Variants in POLR1D observed in about 807,000 individuals in gnomAD.
POLR1D encodes DNA-directed RNA polymerases I and III subunit RPAC2.
A neutral mutation model predicts 10.8 loss-of-function variants in POLR1D; 8 were observed. The ratio of observed to expected loss-of-function variants is 0.74; its 90% CI spans 0.43 to 1.33. The LOEUF (loss-of-function observed/expected upper bound fraction) is 1.33, where lower values mean the gene tolerates loss of function less well. Ranked by LOEUF, POLR1D falls within the 40% of genes most tolerant of loss-of-function variation. The pLI is 0.01. For synonymous variants in POLR1D, 54 were observed against 57.2 expected (o/e 0.94, Z 0.25); for missense variants, 152 against 161.7 (o/e 0.94, Z 0.32).
chr13:27,666,516 C>T (rs1956420593), exon 3 of POLR1D: 1 of 152,294 alleles, frequency 6.6e-6, no homozygotes, highest in East Asian at 1.9e-4. Flanking sequence ...TAATGCTCCA[C>T]TTCAGTTACC....
intron 1 of POLR1D, among the ~76,000 whole-genome samples, chr13:27,647,115 C>T (rs1237251358): frequency 6.6e-6 from 1 of 151,878 alleles, no homozygotes; most frequent in Non-Finnish European, 1.5e-5. Flanking sequence ...TTTATTTTTT[C>T]TTAACTTTGT....
intron 1 of POLR1D, among the ~76,000 whole-genome samples, chr13:27,636,567 A>G (rs933825218): frequency 1.3e-5 from 2 of 152,236 alleles, no homozygotes; most frequent in Admixed American, 1.3e-4. Context: ...TCTATCAAGC[A>G]AACGCTAAGA....
intron 1 of POLR1D, among the ~76,000 whole-genome samples, chr13:27,632,268 ACT>A (rs1956081424): frequency 6.6e-6 from 1 of 152,134 alleles, no homozygotes; most frequent in Non-Finnish European, 1.5e-5. Context: ...TCCCCACAGA[ACT>A]CTAGGAGGGA....
chr13:27,639,674 G>C (rs1441806315), intron 1 of POLR1D, among the ~76,000 whole-genome samples: 1 of 152,200 alleles, frequency 6.6e-6, no homozygotes, highest in African/African-American at 2.4e-5. Context: ...TTCCCTGGGA[G>C]CTAAACGTTA....
intron 1 of POLR1D, among the ~76,000 whole-genome samples, chr13:27,640,980 C>T (rs1170008109): frequency 6.6e-6 from 1 of 151,978 alleles, no homozygotes; most frequent in Non-Finnish European, 1.5e-5. Context: ...TTACCTAGTA[C>T]AATGTAAATT....
chr13:27,625,874 A>T (rs1437173417), downstream of POLR1D, among the ~76,000 whole-genome samples: 2 of 152,220 alleles, frequency 1.3e-5, no homozygotes, highest in East Asian at 3.8e-4. Context: ...CGTGGAGGTC[A>T]CTAGGCAGTA....
At chr13:27,665,887 C>T in exon 3 of POLR1D, 1 of 1,614,132 alleles carries the variant, frequency 6.2e-7, no homozygotes. Flanking sequence ...GAGGTTCCGC[C>T]AGTTACTCCC....
At chr13:27,624,559 A>G (rs1209303214), downstream of POLR1D, among the ~76,000 whole-genome samples, 2 of 152,116 alleles carry the variant, frequency 1.3e-5, no homozygotes, top group Non-Finnish European at 2.9e-5. Context: ...AGTGGATGAG[A>G]CAGAGTAAGT....
intron 1 of POLR1D, among the ~76,000 whole-genome samples, chr13:27,640,002 G>A (rs1956160202): frequency 6.6e-6 from 1 of 152,226 alleles, no homozygotes; most frequent in East Asian, 1.9e-4. Flanking sequence ...ATCATTTATC[G>A]GCTGTTGTGG....
At position 27,640,362 on chromosome 13, in the gene POLR1D, A is replaced by G. The variant is rs568059057; in HGVS notation, c.27-8017A>G. 6.8e-4 allele frequency among the ~76,000 whole-genome samples: 103 copies of G among 152,320 alleles called. No homozygotes were observed. In the Middle Eastern group the frequency reaches 0.01, roughly 15 times the overall value. The stretch of plus-strand genomic sequence containing the variant: ...GAAAGGAAACTGTTTAAATATGTGA[A>G]GATTGTACCAATGTTGACTTTCCAG... On this transcript the variant is annotated intron_variant, in intron 1 of 2. Transcript: ENST00000399697.
intron 1 of POLR1D, among the ~76,000 whole-genome samples, chr13:27,644,016 CTT>C (rs1211705228): frequency 6.6e-6 from 1 of 152,166 alleles, no homozygotes; most frequent in Non-Finnish European, 1.5e-5. Context: ...TCAAAGGTGA[CTT>C]TTAAAGACTG....
At chr13:27,652,192 A>G (rs138511395) in intron 2 of POLR1D, among the ~76,000 whole-genome samples, 89 of 152,354 alleles carry the variant, frequency 5.8e-4, no homozygotes, top group Admixed American at 2.6e-3. Flanking sequence ...TTGCTCTGTA[A>G]GGAGCGTTCA....
chr13:27,657,203 T>A (rs1181162549), intron 2 of POLR1D, among the ~76,000 whole-genome samples: 1 of 152,208 alleles, frequency 6.6e-6, no homozygotes, highest in African/African-American at 2.4e-5. Context: ...AGAGTTTTTT[T>A]AATTAGAAAA....
chr13:27,637,420 G>A (rs751422359), intron 1 of POLR1D, among the ~76,000 whole-genome samples: 5 of 152,106 alleles, frequency 3.3e-5, no homozygotes, highest in Non-Finnish European at 7.4e-5. Context: ...AGCATCTCTG[G>A]GAGCTTTGAA....
At chr13:27,630,503 A>T (rs1956062446) in intron 1 of POLR1D, among the ~76,000 whole-genome samples, 3 of 151,832 alleles carry the variant, frequency 2.0e-5, no homozygotes, top group Non-Finnish European at 1.5e-5. Context: ...TTCTCTGCTG[A>T]CCTCTTTCAA....
intron 1 of POLR1D, among the ~76,000 whole-genome samples, chr13:27,630,367 T>C (rs1010530756): frequency 2.0e-5 from 3 of 152,186 alleles, no homozygotes; most frequent in Admixed American, 1.3e-4. Context: ...TTAAAAGGAC[T>C]CCAAGAGAAA....
intron 2 of POLR1D, among the ~76,000 whole-genome samples, chr13:27,652,646 G>A (rs1057140513): frequency 4.3e-5 from 3 of 70,022 alleles, no homozygotes; most frequent in Non-Finnish European, 7.0e-5. Context: ...CGAGGTGGGC[G>A]GATCACTTGA....
downstream of POLR1D, among the ~76,000 whole-genome samples, chr13:27,626,011 A>G (rs534381105): frequency 2.0e-5 from 3 of 152,362 alleles, no homozygotes; most frequent in East Asian, 5.8e-4. Context: ...AGGCGGGAGC[A>G]GGGATGTCAT....
At chr13:27,627,168 T>C (rs1449054420), downstream of POLR1D, among the ~76,000 whole-genome samples, 1 of 152,200 alleles carries the variant, frequency 6.6e-6, no homozygotes, top group East Asian at 1.9e-4. Flanking sequence ...CCATCTGCTT[T>C]CAAGTACTTA....
Sources: gnomAD v4.1 joint callset for allele counts (sites outside exome capture counted in the v4.1 genomes callset) on GRCh38, gnomAD v4.1.1 for gene constraint, MANE v1.5 for transcripts, NCBI Gene and HGNC (gene_info 2026-07-23, HGNC 2026-07-21) for gene names.